Variants in NIPSNAP1 observed in about 807,000 individuals in gnomAD.
NIPSNAP1 encodes the protein protein NipSnap homolog 1.
NIPSNAP1 carries 25 observed loss-of-function variants against 49.2 expected under a neutral mutation model. The observed-to-expected ratio is 0.51, with a 90% confidence interval of 0.37 to 0.71. The LOEUF (loss-of-function observed/expected upper bound fraction) is 0.71, where lower values mean the gene tolerates loss of function less well. NIPSNAP1 is among the 30% of genes least tolerant of loss of function. The pLI is 0.00. For synonymous variants in NIPSNAP1, 143 were observed against 140.7 expected, an observed-to-expected ratio of 1.02 and a Z score of -0.12; for missense variants, 294 against 361.0, an observed-to-expected ratio of 0.81 and a Z score of 1.50.
chr22:29,565,856 G>A (rs190391843), intron 4 of NIPSNAP1, among the ~76,000 whole-genome samples: 2 of 152,240 alleles, frequency 1.3e-5, no homozygotes, highest in Admixed American at 6.5e-5. Flanking sequence ...TGTCTGTTAC[G>A]GAAACCAAAT....
At chr22:29,558,996 G>C (rs1395698760) in intron 8 of NIPSNAP1, 43 bp from the exon 9 acceptor site, 6 of 1,463,854 alleles carry the variant, frequency 4.1e-6, no homozygotes, top group Non-Finnish European at 5.7e-6. Context: ...ACAGAGGACT[G>C]GATCCCTTAC....
chr22:29,561,410 A>ACTCC, intron 6 of NIPSNAP1, 96 bp downstream of exon 6: 1 of 1,563,856 alleles, frequency 6.4e-7, no homozygotes, highest in Non-Finnish European at 8.8e-7. Context: ...AGGGAGGGAG[A>ACTCC]AGCCAGAAGC....
chr22:29,564,104 T>C (rs574587377), intron 4 of NIPSNAP1: 6 of 286,582 alleles, frequency 2.1e-5, no homozygotes, highest in South Asian at 6.3e-5. Flanking sequence ...CCTGGGAGCA[T>C]GGCTGGGCCC....
chr22:29,565,613 C>T (rs1359572878), intron 4 of NIPSNAP1, among the ~76,000 whole-genome samples: 1 of 152,158 alleles, frequency 6.6e-6, no homozygotes, highest in Admixed American at 6.6e-5. Flanking sequence ...TGGAGCTGAT[C>T]AAGTCAAGCT....
intron 4 of NIPSNAP1, among the ~76,000 whole-genome samples, chr22:29,567,118 C>T (rs1203241660): frequency 1.3e-5 from 2 of 152,078 alleles, no homozygotes; most frequent in African/African-American, 4.8e-5. Context: ...CAGAGCGAGG[C>T]TCCATCTCAA....
At chr22:29,557,936 G>A (rs1250677497) in intron 9 of NIPSNAP1, among the ~76,000 whole-genome samples, 2 of 152,132 alleles carry the variant, frequency 1.3e-5, no homozygotes, top group Non-Finnish European at 2.9e-5. Flanking sequence ...GTGGTTTCAG[G>A]TTCCTAGCAA....
chr22:29,557,244 G>A (rs779255418), intron 9 of NIPSNAP1, among the ~76,000 whole-genome samples: 1 of 151,304 alleles, frequency 6.6e-6, no homozygotes. Flanking sequence ...TCAGCCTCCC[G>A]AGTAGCTGGG....
At chr22:29,576,248 G>A (rs1262218471) in intron 1 of NIPSNAP1, among the ~76,000 whole-genome samples, 4 of 150,912 alleles carry the variant, frequency 2.7e-5, no homozygotes, top group Non-Finnish European at 5.9e-5. Context: ...TCGAACTCCT[G>A]ACCTCAAGTG....
Position 29,570,421 on chromosome 22 carries a change from G to A in NIPSNAP1, c.210C>T (p.Asn70=), listed in dbSNP as rs760972117. The change falls in exon 2 of 10, where the codon AAC becomes AAT. Residue 70 remains asparagine, a synonymous_variant. Coordinates refer to ENST00000216121, the MANE Select transcript of NIPSNAP1 (RefSeq NM_003634.4). ...GCCACTCACACTGGATCTTATAGAG[G>A]TTGCTGGTTTCCTTCTTGGACAGCA... ...STLLSKKETS[N]LYKIQFHNVK... is the part of the protein sequence containing the mutation. 21 of 1,614,000 alleles carry A rather than the reference G, an allele frequency of 1.3e-5. No homozygotes were observed. In the East Asian group the frequency reaches 4.0e-4, roughly 31 times the overall value.
intron 1 of NIPSNAP1, among the ~76,000 whole-genome samples, chr22:29,574,261 C>CAAAAAAAAAAAAAAAAAAAAAAAAAAAA (rs1158442759): frequency 2.7e-5 from 1 of 36,692 alleles, no homozygotes; most frequent in African/African-American, 1.0e-4. Context: ...TCCATCTTCA[C>CAAAAAAAAAAAAAAAAAAAAAAAAAAAA]AAAAAAAAAA....
intron 1 of NIPSNAP1, among the ~76,000 whole-genome samples, chr22:29,572,839 C>T (rs552565201): frequency 1.3e-5 from 2 of 151,436 alleles, no homozygotes; most frequent in South Asian, 2.1e-4. Context: ...AATAATTAGC[C>T]GGGTGTGGTG....
At chr22:29,574,897 G>A (rs1033749553) in intron 1 of NIPSNAP1, among the ~76,000 whole-genome samples, 2 of 152,138 alleles carry the variant, frequency 1.3e-5, no homozygotes, top group Non-Finnish European at 2.9e-5. Flanking sequence ...TTCAGTTGCA[G>A]GATCTCACTG....
At chr22:29,558,722 G>C in intron 9 of NIPSNAP1, 148 bp downstream of exon 9, 1 of 711,954 alleles carries the variant, frequency 1.4e-6, no homozygotes, top group South Asian at 1.5e-5. Context: ...TATGGAGTGT[G>C]CCACTTGGAT....
chr22:29,565,047 A>G (rs1033141432), intron 4 of NIPSNAP1, among the ~76,000 whole-genome samples: 14 of 151,878 alleles, frequency 9.2e-5, no homozygotes, highest in African/African-American at 3.1e-4. Context: ...CAAACAAAAC[A>G]AAACAACTAG....
chr22:29,580,976 G>C lies in NIPSNAP1; in HGVS notation c.98+9C>G, dbSNP rs1453537908. 2 of 1,528,748 alleles carry C rather than the reference G, an allele frequency of 1.3e-6. No individual in the cohort carries two copies. The highest frequency in any genetic ancestry group is 2.4e-5 in the South Asian group (2 of 83,428). 94.7% of individuals were successfully genotyped at this position (1,528,748 alleles called of 1,614,324 possible). On this transcript the variant is annotated intron_variant, in intron 1 of 9. Transcript: ENST00000216121. ...GCGCGCGTCTATCCCTGCCTGGCCG[G>C]GCTCTCACCGCGCCGCAGCTGCAGA... is the stretch of plus-strand genomic sequence containing the variant.
chr22:29,559,284 T>C (rs1332654849), intron 8 of NIPSNAP1, among the ~76,000 whole-genome samples: 1 of 152,162 alleles, frequency 6.6e-6, no homozygotes, highest in African/African-American at 2.4e-5. Flanking sequence ...CTCATGCCTA[T>C]AATCCCAGCA....
In NIPSNAP1 at chr22:29,569,240, G is replaced by T; in HGVS notation, c.320C>A (p.Ser107Ter). The T allele has an allele frequency of 6.2e-7, 1 of 1,614,048 alleles. No individual in the cohort carries two copies. Among genetic ancestry groups the T allele is most frequent in the Non-Finnish European group, 8.5e-7 (1 of 1,179,990 alleles). ...CCACGTGTTCCAGTTGCCCACGAGT[G>T]AGCATGGGTAGTCCTCATCCAGGTG... is the stretch of plus-strand genomic sequence containing the variant. ...KLHLDEDYPC[S>*]LVGNWNTWYG... The change falls in exon 4 of 10, where the codon TCA (serine) becomes TAA (stop). Residue 107 changes from serine (S) to a stop codon, truncating the protein, a stop_gained. Coordinates refer to ENST00000216121, the MANE Select transcript of NIPSNAP1 (RefSeq NM_003634.4). LOFTEE classifies it high-confidence loss of function.
intron 1 of NIPSNAP1, 31 bp from the exon 2 acceptor site, chr22:29,570,563 C>G: frequency 6.2e-7 from 1 of 1,604,766 alleles, no homozygotes; most frequent in Non-Finnish European, 8.5e-7. Flanking sequence ...GGGGGACGCG[C>G]GGAGGTTGGG....
At chr22:29,564,139 G>GA (rs1301959843) in intron 4 of NIPSNAP1, 1 of 345,912 alleles carries the variant, frequency 2.9e-6, no homozygotes, top group Non-Finnish European at 5.7e-6. Flanking sequence ...GTCCCCAGGG[G>GA]ATCACACAGG....
Sources: gnomAD v4.1 joint callset for allele counts (sites outside exome capture counted in the v4.1 genomes callset) on GRCh38, gnomAD v4.1.1 for gene constraint, MANE v1.5 for transcripts, NCBI Gene and HGNC (gene_info 2026-07-23, HGNC 2026-07-21) for gene names.